The following FAM222B variants were observed in gnomAD, a reference collection of about 807,000 sequenced individuals.
FAM222B encodes the protein family with sequence similarity 222 member B, also known as protein FAM222B.
Under a neutral mutation model 38.0 loss-of-function variants are expected in FAM222B, and 12 were observed. The ratio of observed to expected loss-of-function variants is 0.32; its 90% CI spans 0.20 to 0.51. FAM222B has a LOEUF of 0.51. Ranked by LOEUF, FAM222B falls within the 20% of genes least tolerant of loss-of-function variation. FAM222B has a pLI of 0.97. For missense variants in FAM222B, 716 were observed against 754.2 expected, an observed-to-expected ratio of 0.95 and a Z score of 0.59; for synonymous variants, 329 against 317.2, an observed-to-expected ratio of 1.04 and a Z score of -0.40.
chr17:28,839,000 C>T (rs2038945411), intron 1 of FAM222B, among the ~76,000 whole-genome samples: 1 of 151,934 alleles, frequency 6.6e-6, no homozygotes, highest in African/African-American at 2.4e-5. Context: ...GTCAGGAGAT[C>T]GACACCATCC....
At chr17:28,770,711 C>T (rs1433501064) in intron 1 of FAM222B, among the ~76,000 whole-genome samples, 1 of 152,078 alleles carries the variant, frequency 6.6e-6, no homozygotes, top group Admixed American at 6.6e-5. Context: ...GCTGGGACTA[C>T]AGGCGCCCGC....
At chr17:28,846,943 G>A (rs777256453), upstream of FAM222B, among the ~76,000 whole-genome samples, 31 of 151,996 alleles carry the variant, frequency 2.0e-4, no homozygotes, top group South Asian at 8.3e-4. Context: ...AAAAATTAGC[G>A]CTGGGCGTGG....
At chr17:28,771,509 G>A (rs1485806073) in intron 1 of FAM222B, among the ~76,000 whole-genome samples, 1 of 151,760 alleles carries the variant, frequency 6.6e-6, no homozygotes, top group Non-Finnish European at 1.5e-5. Flanking sequence ...GTGAAACCCC[G>A]TCTCTACTCA....
intron 1 of FAM222B, among the ~76,000 whole-genome samples, chr17:28,813,153 A>C (rs1316587899): frequency 1.4e-5 from 1 of 71,874 alleles, no homozygotes; most frequent in Admixed American, 1.4e-4. Flanking sequence ...ACACACATAC[A>C]AAAAAAAAAA....
Position 28,756,910 on chromosome 17 carries a change from G to A in FAM222B, c.*1360C>T, listed in dbSNP as rs577746571. ...AGCTGACATTCCCCAGAGACAAGAGGAAAGGTAAGGGCTTATTTCATCTGT... is the reference window on the plus strand; with the variant it reads ...AGCTGACATTCCCCAGAGACAAGAGAAAAGGTAAGGGCTTATTTCATCTGT... On this transcript the variant is annotated 3_prime_UTR_variant, in exon 3 of 3. Coordinates refer to ENST00000581407, the MANE Select transcript of FAM222B (RefSeq NM_001077498.3). 6 of 152,414 alleles carry A rather than the reference G, an allele frequency of 3.9e-5. No homozygotes were observed. The South Asian group carries it at 6.2e-4, about 16-fold the overall frequency. 9.4% of individuals were successfully genotyped at this position (152,414 alleles called of 1,614,324 possible).
In FAM222B at chr17:28,759,373, G is replaced by A. The variant is rs1490280803; in HGVS notation, c.586C>T (p.Leu196=). Reference sequence around the variant, plus strand: ...TGGGCCATGGGCTGAGGGTGGCCCAGGCCCTGAGGCTGCTGGAGGCTCTGA... The same window carrying A: ...TGGGCCATGGGCTGAGGGTGGCCCAAGCCCTGAGGCTGCTGGAGGCTCTGA... ...HPQSLQQPQG[L]GHPQPMAQTQ... The change falls in exon 3 of 3, where the codon CTG becomes TTG. Residue 196 remains leucine (L), a synonymous_variant. Coordinates refer to ENST00000581407, the MANE Select transcript of FAM222B (RefSeq NM_001077498.3). This position sits in a 1 kb window ranked among gnomAD's most constrained non-coding sequence, Gnocchi z 4.8. The A allele has an allele frequency of 1.2e-6, 2 of 1,608,086 alleles. No homozygotes were observed. Among genetic ancestry groups the A allele is most frequent in the South Asian group, 2.2e-5 (2 of 90,294 alleles).
chr17:28,758,102 C>T lies in FAM222B; in HGVS notation c.*168G>A, dbSNP rs2034795840. The T allele has an allele frequency of 8.4e-6, 5 of 598,576 alleles. No homozygotes were observed. In the East Asian group the frequency reaches 1.5e-4, roughly 18 times the overall value. 37.1% of individuals were successfully genotyped at this position (598,576 alleles called of 1,614,324 possible). A position where few individuals can be genotyped will look rare whatever the true frequency, so the allele number is the denominator to read the frequency against. ...AACCAAAAGTTGCTGGAGGGGAGGA[C>T]GAGAGGACCCCTTCTGTCCCCACTT... On this transcript the variant is annotated 3_prime_UTR_variant, in exon 3 of 3. Coordinates refer to ENST00000581407, the MANE Select transcript of FAM222B (RefSeq NM_001077498.3).
At chr17:28,854,309 A>G (rs2152640127) in intron 1 of FAM222B, among the ~76,000 whole-genome samples, 1 of 152,322 alleles carries the variant, frequency 6.6e-6, no homozygotes, top group East Asian at 1.9e-4. Context: ...CAAACAGAGC[A>G]AGGTAAATGA....
At chr17:28,833,275 C>T (rs1245344897) in intron 1 of FAM222B, among the ~76,000 whole-genome samples, 3 of 151,486 alleles carry the variant, frequency 2.0e-5, no homozygotes, top group African/African-American at 7.3e-5. Context: ...CCCCACTGCA[C>T]TCCAGCCTGG....
chr17:28,822,814 AAAAAAAAAAAAAAAAAAAATAT>A (rs1235708297), intron 1 of FAM222B, among the ~76,000 whole-genome samples: 3 of 79,038 alleles, frequency 3.8e-5, no homozygotes, highest in Admixed American at 1.4e-4. Context: ...AAAAAAAAAA[AAAAAAAAAAAAAAAAAAAATAT>A]ATATATATAT....
At chr17:28,807,913 T>C (rs1032650037) in intron 1 of FAM222B, among the ~76,000 whole-genome samples, 1 of 152,220 alleles carries the variant, frequency 6.6e-6, no homozygotes, top group Non-Finnish European at 1.5e-5. Flanking sequence ...GATTAAAAGT[T>C]TGTATCGGAA....
chr17:28,853,427 G>A (rs1007939627), intron 1 of FAM222B, among the ~76,000 whole-genome samples: 2 of 151,856 alleles, frequency 1.3e-5, no homozygotes, highest in African/African-American at 2.4e-5. Context: ...AATATACAGT[G>A]GTGTCTTCCC....
At chr17:28,801,219 C>T (rs1204184654) in intron 1 of FAM222B, among the ~76,000 whole-genome samples, 1 of 146,082 alleles carries the variant, frequency 6.8e-6, no homozygotes. Flanking sequence ...TTTGGGAGGC[C>T]AAGGCGGGCG....
intron 1 of FAM222B, among the ~76,000 whole-genome samples, chr17:28,818,810 G>A (rs1000024785): frequency 2.6e-5 from 4 of 152,124 alleles, no homozygotes; most frequent in Non-Finnish European, 5.9e-5. Flanking sequence ...GGTAGAAAAA[G>A]TAAAAAGCCA....
chr17:28,760,907 T>C (rs2035040665), intron 2 of FAM222B, among the ~76,000 whole-genome samples: 1 of 152,226 alleles, frequency 6.6e-6, no homozygotes, highest in East Asian at 1.9e-4. Flanking sequence ...GTTTACTCTA[T>C]GCCCGACTGG....
At chr17:28,812,738 A>T (rs1188976126) in intron 1 of FAM222B, among the ~76,000 whole-genome samples, 1 of 148,398 alleles carries the variant, frequency 6.7e-6, no homozygotes, top group African/African-American at 2.5e-5. Context: ...GCCCCTTTGC[A>T]CCCCTTCTCC....
intron 1 of FAM222B, among the ~76,000 whole-genome samples, chr17:28,817,549 T>C (rs1160339202): frequency 6.6e-6 from 1 of 152,078 alleles, no homozygotes; most frequent in Non-Finnish European, 1.5e-5. Flanking sequence ...GGTGAAACCC[T>C]GTCTCTACTA....
chr17:28,758,378 T>A lies in FAM222B; in HGVS notation c.1581A>T (p.Arg527=). The A allele has an allele frequency of 1.9e-6, 3 of 1,613,822 alleles. 1 individual carries two copies. In the South Asian group the frequency reaches 3.3e-5, roughly 18 times the overall value. ...TGCTCAGCATGGCCAGGCTCTGTTC[T>A]CGGAAGCAGGCCTGTTGGAAATCCC... ...LSGDFQQACF[R]EQSLAMLSKA... is the part of the protein sequence containing the mutation. The change falls in exon 3 of 3, where the codon CGA becomes CGT. Residue 527 remains arginine, a synonymous_variant. Coordinates refer to ENST00000581407, the MANE Select transcript of FAM222B (RefSeq NM_001077498.3).
chr17:28,833,680 C>G (rs931912158), intron 1 of FAM222B, among the ~76,000 whole-genome samples: 3 of 150,532 alleles, frequency 2.0e-5, no homozygotes, highest in Non-Finnish European at 4.4e-5. Flanking sequence ...AGGACTAGCA[C>G]TGTACTATGA....
Sources: allele counts gnomAD v4.1 joint callset (sites outside exome capture counted in the v4.1 genomes callset), GRCh38; gene constraint gnomAD v4.1.1; non-coding constraint Gnocchi (gnomAD v3.1); transcripts MANE v1.5; gene names NCBI Gene and HGNC (gene_info 2026-07-23, HGNC 2026-07-21).